DST: variants seen among roughly 807,000 people sequenced by gnomAD.
The protein encoded by DST is dystonin.
Under a neutral mutation model 875.2 loss-of-function variants are expected in DST, and 253 were observed. The observed-to-expected ratio is 0.29, with a 90% confidence interval of 0.26 to 0.32. DST has a LOEUF of 0.32. Among genes scored for constraint, DST ranks in the 10% least tolerant of loss-of-function variants. DST has a pLI of 1.00. For synonymous variants in DST, 3,124 were observed against 3,197.1 expected (o/e 0.98, Z 0.77); for missense variants, 8,287 against 9,111.6 (o/e 0.91, Z 3.68).
chr6:56,567,042 G>T (rs1436504136), intron 55 of DST, among the ~76,000 whole-genome samples: 1 of 152,108 alleles, frequency 6.6e-6, no homozygotes, highest in Non-Finnish European at 1.5e-5. Flanking sequence ...CAAACTGATG[G>T]GAATAATAAT....
chr6:56,766,233 CAAG>C (rs766911219), intron 4 of DST, among the ~76,000 whole-genome samples: 5 of 152,178 alleles, frequency 3.3e-5, no homozygotes, highest in Non-Finnish European at 5.9e-5. Context: ...TCTTATAAAA[CAAG>C]AACACATGAG....
At chr6:56,620,580 T>C in intron 36 of DST, 1 of 1,614,104 alleles carries the variant, frequency 6.2e-7, no homozygotes, top group Non-Finnish European at 8.5e-7. Context: ...GACTTTTGTT[T>C]CTTTAGTTCA....
intron 49 of DST, among the ~76,000 whole-genome samples, chr6:56,582,247 C>T (rs1161002478): frequency 6.6e-6 from 1 of 152,198 alleles, no homozygotes; most frequent in Admixed American, 6.5e-5. Context: ...CATTGAAATG[C>T]AATCCTCAAT....
chr6:56,731,671 T>C (rs548740081), intron 5 of DST, among the ~76,000 whole-genome samples: 2 of 152,342 alleles, frequency 1.3e-5, no homozygotes, highest in Admixed American at 1.3e-4. Flanking sequence ...TTTCGCTGTT[T>C]GGATGTATCA....
At chr6:56,466,431 T>C (rs2094579350) in intron 98 of DST, 1 of 325,308 alleles carries the variant, frequency 3.1e-6, no homozygotes, top group Non-Finnish European at 5.6e-6. Context: ...TCAAGTATAC[T>C]ACCAAAGCTT....
At chr6:56,784,895 T>C (rs1389792572) in intron 4 of DST, among the ~76,000 whole-genome samples, 4 of 152,196 alleles carry the variant, frequency 2.6e-5, no homozygotes, top group Non-Finnish European at 5.9e-5. Flanking sequence ...GATGTACAGA[T>C]GGGTTTTTGG....
At chr6:56,920,895 ATTTTTTTTTTT>A (rs35394550) in intron 2 of DST, among the ~76,000 whole-genome samples, 755 of 59,708 alleles carry the variant, frequency 0.013, 13 homozygotes, top group African/African-American at 0.047. Context: ...CGCCCAGCTA[ATTTTTTTTTTT>A]TTTTTTTTTT....
rs959895037 is a variant in DST at position 56,604,026 on chromosome 6, G to A, written c.10602C>T (p.Ser3534=). 6.3e-7 allele frequency: 1 copy of A among 1,594,158 alleles called. No homozygotes were observed. Among genetic ancestry groups the A allele is most frequent in the Non-Finnish European group, 8.6e-7 (1 of 1,168,780 alleles). Residue 3534 remains serine, a synonymous_variant, in exon 40 of 104, where the codon AGC becomes AGT. Coordinates refer to ENST00000680361, the MANE Select transcript of DST (RefSeq NM_001374736.1). The stretch of plus-strand genomic sequence containing the variant: ...TAGGAGAATAGTAGTTTCCTTCTTT[G>A]CTTTTAATATCACCAAGAATATGTG... ...EKPHILGDIK[S]KEGNYYSPNL...
At chr6:56,667,815 A>T (rs2099079436) in intron 10 of DST, among the ~76,000 whole-genome samples, 1 of 147,726 alleles carries the variant, frequency 6.8e-6, no homozygotes, top group Admixed American at 6.6e-5. Context: ...AATGCATTAT[A>T]TATATATATA....
intron 32 of DST, 96 bp downstream of exon 32, chr6:56,629,154 G>T: frequency 1.7e-6 from 2 of 1,198,054 alleles, no homozygotes; most frequent in South Asian, 1.3e-5. Flanking sequence ...AATTAACTAT[G>T]GAAGTAAAAA....
chr6:56,554,828 G>T (rs182783007), intron 60 of DST, among the ~76,000 whole-genome samples: 1 of 152,152 alleles, frequency 6.6e-6, no homozygotes, highest in Non-Finnish European at 1.5e-5. Flanking sequence ...TTCTGATGAA[G>T]TGAATTCTAA....
intron 3 of DST, among the ~76,000 whole-genome samples, chr6:56,856,370 T>C (rs1767870490): frequency 2.0e-5 from 3 of 152,322 alleles, no homozygotes; most frequent in South Asian, 2.1e-4. Context: ...GTTTGCAAAG[T>C]AGCCAAAAGT....
rs2098513870 is a variant in DST, at chr6:56,608,079, A to T, written c.6549T>A (p.Phe2183Leu). 5 of 1,613,450 alleles carry T rather than the reference A, an allele frequency of 3.1e-6. No individual in the cohort carries two copies. The highest frequency in any genetic ancestry group is 1.3e-5 in the African/African-American group (1 of 74,880). Residue 2183 changes from phenylalanine (F) to leucine (L), a missense_variant, in exon 40 of 104, where the codon TTT becomes TTA. This residue lies in a region of DST where 3,138 missense variants were observed against 3,116.6 expected (regional missense o/e 1.01). Transcript: ENST00000680361. ...VHDYRQEEDV[F>L]DGEEPVTTQT... ...GAGTAGTGACAGGTTCTTCTCCATC[A>T]AAAACATCCTCTTCTTGTCTGTAAT...
At chr6:56,778,099 C>A (rs530191703) in intron 4 of DST, among the ~76,000 whole-genome samples, 1 of 152,062 alleles carries the variant, frequency 6.6e-6, no homozygotes, top group African/African-American at 2.4e-5. Flanking sequence ...TATTATATCA[C>A]GTATAAGCAC....
At position 56,606,952 on chromosome 6, in the gene DST, C is replaced by T. The variant is rs2098503792; in HGVS notation, c.7676G>A (p.Cys2559Tyr). The change falls in exon 40 of 104, where the codon TGT becomes TAT. Residue 2559 changes from cysteine to tyrosine, a missense_variant. This residue lies in a region of DST where 3,138 missense variants were observed against 3,116.6 expected (regional missense o/e 1.01). Transcript: ENST00000680361. ...EDESEIEEYSCAVTPGGDTDN... is the reference protein window; with the variant it reads ...EDESEIEEYSYAVTPGGDTDN... Reference sequence around the variant, plus strand: ...AGTATCACCCCCTGGAGTCACAGCACAGGAATACTCTTCTATTTCAGACTC... The same window carrying T: ...AGTATCACCCCCTGGAGTCACAGCATAGGAATACTCTTCTATTTCAGACTC... 1 of 1,613,430 alleles carries T rather than the reference C, an allele frequency of 6.2e-7. No individual in the cohort carries two copies.
rs55672394 is a variant in DST at position 56,516,175 on chromosome 6, A to G, written c.18358-507T>C. On this transcript the variant is annotated intron_variant, in intron 71 of 103. Transcript: ENST00000680361. ...AGAGAAAGAGAGAAAGAGAAAGAGA[A>G]AGAAAGAGAAAGAGAAAGAGAAGGA... 6.2e-4 allele frequency among the ~76,000 whole-genome samples: 71 copies of G among 114,430 alleles called. 1 individual carries two copies. In the South Asian group the frequency reaches 0.013, roughly 21 times the overall value. 75.1% of individuals were successfully genotyped at this position (114,430 alleles called of 152,430 possible).
Position 56,482,799 on chromosome 6 carries a change from T to G in DST, c.21286A>C (p.Ser7096Arg). 6.2e-7 allele frequency: 1 copy of G among 1,613,848 alleles called. No individual in the cohort carries two copies. The highest frequency in any genetic ancestry group is 8.5e-7 in the Non-Finnish European group (1 of 1,179,784). ...TTGACCCAGGAGGAGTCATCCCGACTGCCTTCTATGAGTTCTCGGGCTGAG... is the reference window on the plus strand; with the variant it reads ...TTGACCCAGGAGGAGTCATCCCGACGGCCTTCTATGAGTTCTCGGGCTGAG... ...KRSARELIEG[S>R]RDDSSWVKVQ... The change falls in exon 89 of 104, where the codon AGT (serine) becomes CGT (arginine). Residue 7096 changes from serine to arginine, a missense_variant. Ser to Arg is a moderately radical substitution (Grantham distance 110, BLOSUM62 -1). This residue lies in a region of DST where 1,292 missense variants were observed against 1,552.7 expected (regional missense o/e 0.83). Transcript: ENST00000680361.
chr6:56,686,784 T>C (rs2099190213), intron 9 of DST, among the ~76,000 whole-genome samples: 1 of 152,202 alleles, frequency 6.6e-6, no homozygotes, highest in South Asian at 2.1e-4. Context: ...CAGAATTCTT[T>C]CTACTTAAAG....
At chr6:56,479,881 CA>C (rs1337393021) in intron 90 of DST, among the ~76,000 whole-genome samples, 1 of 152,152 alleles carries the variant, frequency 6.6e-6, no homozygotes, top group African/African-American at 2.4e-5. Flanking sequence ...TACTATTACT[CA>C]ATATACTCAT....
Sources: allele counts gnomAD v4.1 joint callset (sites outside exome capture counted in the v4.1 genomes callset), GRCh38; gene constraint gnomAD v4.1.1; regional missense constraint gnomAD v4.1.1; transcripts MANE v1.5; gene names NCBI Gene and HGNC (gene_info 2026-07-23, HGNC 2026-07-21).